The following UBAP1 variants were observed in gnomAD, a reference collection of about 807,000 sequenced individuals.
UBAP1 encodes ubiquitin associated protein 1, also known as ubiquitin-associated protein 1.
In UBAP1, 5 loss-of-function variants were observed where a neutral mutation model predicts 39.0. The ratio of observed to expected loss-of-function variants is 0.13; its 90% CI spans 0.07 to 0.27. The LOEUF (loss-of-function observed/expected upper bound fraction) is 0.27, where lower values mean the gene tolerates loss of function less well. Among genes scored for constraint, UBAP1 ranks in the 10% least tolerant of loss-of-function variants. UBAP1 has a pLI of 1.00. For missense variants in UBAP1, 490 were observed against 608.1 expected, an observed-to-expected ratio of 0.81 and a Z score of 2.04; for synonymous variants, 211 against 225.1, an observed-to-expected ratio of 0.94 and a Z score of 0.56.
rs189497756 is a variant in UBAP1 at position 34,241,810 on chromosome 9, A to G, written c.785A>G (p.Asn262Ser). Reference sequence around the variant, plus strand: ...CTCCCCCCTATACCTGCAGTAAGCAATATCAAATCCCTGTCTTTCCCCAAA... The same window carrying G: ...CTCCCCCCTATACCTGCAGTAAGCAGTATCAAATCCCTGTCTTTCCCCAAA... ...VSLPPIPAVS[N>S]IKSLSFPKLD... is the part of the protein sequence containing the mutation. Residue 262 changes from asparagine (N) to serine (S), a missense_variant, in exon 4 of 7, where the codon AAT becomes AGT. By Grantham distance (46) the Asn-to-Ser change is conservative. Transcript: ENST00000297661. 1.2e-4 allele frequency: 194 copies of G among 1,614,138 alleles called. 1 individual carries two copies. The East Asian group carries it at 2.1e-3, about 17-fold the overall frequency.
intron 1 of UBAP1, among the ~76,000 whole-genome samples, chr9:34,186,505 T>C (rs1830413721): frequency 6.6e-6 from 1 of 152,196 alleles, no homozygotes; most frequent in Admixed American, 6.6e-5. Flanking sequence ...GTGTTTTGGC[T>C]GCTTCACTTC....
At position 34,182,200 on chromosome 9, in the gene UBAP1, A is replaced by ATTTATTTATTTATTTT. The variant is rs58102579; in HGVS notation, c.-8+2962_-8+2963insTATTTATTTATTTTTT. 3.0e-4 allele frequency among the ~76,000 whole-genome samples: 30 copies of ATTTATTTATTTATTTT among 100,622 alleles called. 3 individuals carry two copies. Among genetic ancestry groups the ATTTATTTATTTATTTT allele is most frequent in the African/African-American group, 9.1e-4 (29 of 31,734 alleles). 66.0% of individuals were successfully genotyped at this position (100,622 alleles called of 152,430 possible). A position where few individuals can be genotyped will look rare whatever the true frequency, so the allele number is the denominator to read the frequency against. ...TATTTATTTATTTATTTATTTATTT[A>ATTTATTTATTTATTTT]TTGAGACTGAGTCTCGCACTGTTGC... On this transcript the variant is annotated intron_variant, in intron 1 of 6. Transcript: ENST00000297661.
chr9:34,248,056 C>T (rs868704767), intron 4 of UBAP1, among the ~76,000 whole-genome samples: 53 of 133,820 alleles, frequency 4.0e-4, no homozygotes, highest in Non-Finnish European at 6.6e-4. Context: ...TTTTTTTTTT[C>T]AGACAGTCTC....
At chr9:34,181,303 A>T (rs1830016838) in intron 1 of UBAP1, among the ~76,000 whole-genome samples, 1 of 149,586 alleles carries the variant, frequency 6.7e-6, no homozygotes, top group Non-Finnish European at 1.5e-5. Context: ...TTTTTAGTAG[A>T]GACGGGGTTT....
chr9:34,190,390 A>G (rs952270737), intron 1 of UBAP1, among the ~76,000 whole-genome samples: 2 of 151,858 alleles, frequency 1.3e-5, no homozygotes, highest in Non-Finnish European at 2.9e-5. Flanking sequence ...CCTGGGTCCA[A>G]GCGATTCTCC....
chr9:34,206,972 T>A (rs1831730555), intron 1 of UBAP1, among the ~76,000 whole-genome samples: 1 of 152,088 alleles, frequency 6.6e-6, no homozygotes, highest in African/African-American at 2.4e-5. Context: ...TTCTAATATT[T>A]TAATATCTGA....
Position 34,241,308 on chromosome 9 carries a change from G to A in UBAP1, c.283G>A (p.Gly95Ser), listed in dbSNP as rs768019494. The change falls in exon 4 of 7, where the codon GGC (glycine) becomes AGC (serine). Residue 95 changes from glycine to serine, a missense_variant. This residue lies in a region of UBAP1 where 144 missense variants were observed against 184.4 expected (regional missense o/e 0.78). Coordinates refer to ENST00000297661, the MANE Select transcript of UBAP1 (RefSeq NM_016525.5). Reference protein sequence around the residue: ...EAEAKVNSKSGPEGDSKMSFS... With the variant: ...EAEAKVNSKSSPEGDSKMSFS... ...AGAAGCTAAAGTGAATTCTAAGAGT[G>A]GCCCAGAGGGCGATAGCAAAATGAG... 2 of 1,514,060 alleles carry A rather than the reference G, an allele frequency of 1.3e-6. No individual in the cohort carries two copies. Among genetic ancestry groups the A allele is most frequent in the Non-Finnish European group, 8.8e-7 (1 of 1,132,584 alleles). The allele number at this position is 1,514,060 out of a possible 1,614,324, so 93.8% of individuals were successfully genotyped here.
Position 34,249,978 on chromosome 9 carries a change from C to A in UBAP1, c.1266+17C>A, listed in dbSNP as rs376357847. On this transcript the variant is annotated intron_variant, in intron 5 of 6. Transcript: ENST00000297661. ...ATTGAGCAGGTGAGCGGTTGGTCAG[C>A]CAGGAGGGCAGGCTCAGACCTGTGG... is the stretch of plus-strand genomic sequence containing the variant. 6.2e-7 allele frequency: 1 copy of A among 1,612,630 alleles called. No individual in the cohort carries two copies. The highest frequency in any genetic ancestry group is 1.3e-5 in the African/African-American group (1 of 74,908).
intron 1 of UBAP1, among the ~76,000 whole-genome samples, chr9:34,182,160 GTTTA>G (rs10530740): frequency 0.011 from 928 of 82,852 alleles, 62 homozygotes; most frequent in African/African-American, 0.031. Flanking sequence ...GATCCCTGAC[GTTTA>G]TTTATTTATT....
intron 1 of UBAP1, among the ~76,000 whole-genome samples, chr9:34,206,951 A>C (rs1831729886): frequency 6.6e-6 from 1 of 151,422 alleles, no homozygotes. Flanking sequence ...CACAGCTTTC[A>C]GTATTGTATC....
chr9:34,181,116 C>CTTTATTTTT, intron 1 of UBAP1, among the ~76,000 whole-genome samples: 1 of 72,274 alleles, frequency 1.4e-5, no homozygotes, highest in South Asian at 5.7e-4. Context: ...GGCCTGTTTT[C>CTTTATTTTT]TTTTTTTTTT....
chr9:34,192,710 G>A (rs1035915613), intron 1 of UBAP1, among the ~76,000 whole-genome samples: 4 of 151,866 alleles, frequency 2.6e-5, no homozygotes, highest in Non-Finnish European at 5.9e-5. Context: ...AAAGTGCTGG[G>A]ATTATAGGCA....
Position 34,226,119 on chromosome 9 carries a change from G to GTGTGTGTGTGTGTGTGTGTGTT in UBAP1, c.34+5192_34+5193insTTGTGTGTGTGTGTGTGTGTGT, listed in dbSNP as rs1563911151. Among the ~76,000 whole-genome samples, 369 of 97,266 alleles carry GTGTGTGTGTGTGTGTGTGTGTT rather than the reference G, an allele frequency of 3.8e-3. 4 individuals carry two copies. The highest frequency in any genetic ancestry group is 8.9e-3 in the South Asian group (18 of 2,014). 63.8% of individuals were successfully genotyped at this position (97,266 alleles called of 152,430 possible). On this transcript the variant is annotated intron_variant, in intron 2 of 6. Coordinates refer to ENST00000297661, the MANE Select transcript of UBAP1 (RefSeq NM_016525.5). ...CTCCTACTCTATTGTGTGTGTGTGT[G>GTGTGTGTGTGTGTGTGTGTGTT]TGTGTGTGTGTGTGTGTGTGTGTGT...
intron 2 of UBAP1, chr9:34,224,080 T>C: frequency 1.5e-6 from 1 of 662,262 alleles, no homozygotes. Flanking sequence ...GTCCCGGCCT[T>C]GAAGTGATGC....
intron 1 of UBAP1, among the ~76,000 whole-genome samples, chr9:34,202,475 A>G (rs1831428991): frequency 6.6e-6 from 1 of 152,012 alleles, no homozygotes. Context: ...GGGTATTGGG[A>G]GAGATAGAGT....
At position 34,193,797 on chromosome 9, in the gene UBAP1, A is replaced by G. The variant is rs150491269; in HGVS notation, c.-8+14557A>G. Among the ~76,000 whole-genome samples the G allele has an allele frequency of 7.7e-3, 1,171 of 152,344 alleles. 20 individuals are homozygous for G. The highest frequency in any genetic ancestry group is 0.027 in the African/African-American group (1,111 of 41,590). On this transcript the variant is annotated intron_variant, in intron 1 of 6. Coordinates refer to ENST00000297661, the MANE Select transcript of UBAP1 (RefSeq NM_016525.5). ...ACCTCCAGGTGTTCAGCTATCCAGA[A>G]GTTCTCTGAACCCAGTCCTCTTGGG...
At chr9:34,244,163 T>G (rs1348158768) in intron 4 of UBAP1, among the ~76,000 whole-genome samples, 1 of 152,164 alleles carries the variant, frequency 6.6e-6, no homozygotes, top group African/African-American at 2.4e-5. Flanking sequence ...TCTATTTTTT[T>G]TGTACCTATT....
chr9:34,229,827 A>G (rs562659699), intron 2 of UBAP1, among the ~76,000 whole-genome samples: 134 of 151,842 alleles, frequency 8.8e-4, no homozygotes, highest in African/African-American at 3.0e-3. Context: ...ATAAGTCACC[A>G]TGCTTGGCCC....
chr9:34,233,247 A>G (rs1235459936), intron 2 of UBAP1, among the ~76,000 whole-genome samples: 2 of 140,708 alleles, frequency 1.4e-5, no homozygotes, highest in African/African-American at 5.2e-5. Flanking sequence ...TTTGAGACAG[A>G]GTCTTGCTCT....
Sources: allele counts gnomAD v4.1 joint callset (sites outside exome capture counted in the v4.1 genomes callset), GRCh38; gene constraint gnomAD v4.1.1; regional missense constraint gnomAD v4.1.1; transcripts MANE v1.5; gene names NCBI Gene and HGNC (gene_info 2026-07-23, HGNC 2026-07-21).